The following CRYM variants were observed in gnomAD, a reference collection of about 807,000 sequenced individuals.
CRYM encodes the protein crystallin mu.
Under a neutral mutation model 32.9 loss-of-function variants are expected in CRYM, and 18 were observed. The observed-to-expected ratio is 0.55, with a 90% confidence interval of 0.38 to 0.81. The LOEUF (loss-of-function observed/expected upper bound fraction) is 0.81. Among genes scored for constraint, CRYM ranks in the 30% least tolerant of loss-of-function variants. The pLI is 0.00. For missense variants in CRYM, 337 were observed against 393.5 expected, an observed-to-expected ratio of 0.86 and a Z score of 1.21; for synonymous variants, 153 against 152.4, an observed-to-expected ratio of 1.00 and a Z score of -0.03.
chr16:21,275,996 T>C (rs2093385488), intron 2 of CRYM, among the ~76,000 whole-genome samples: 1 of 152,166 alleles, frequency 6.6e-6, no homozygotes, highest in African/African-American at 2.4e-5. Context: ...ACAACGGCCA[T>C]GAAACTCTTA....
chr16:21,269,856 G>A lies in CRYM; in HGVS notation c.423C>T (p.Ile141=). 6.2e-7 allele frequency: 1 copy of A among 1,608,598 alleles called. No individual in the cohort carries two copies. The highest frequency in any genetic ancestry group is 2.2e-5 in the East Asian group (1 of 44,562). ...TGTAGGCCTGGACCCCAGCCCCAAGGATGCACAGCACTTCACTGCTGGGAG... is the reference window on the plus strand; with the variant it reads ...TGTAGGCCTGGACCCCAGCCCCAAGAATGCACAGCACTTCACTGCTGGGAG... The part of the protein sequence containing the change: ...LKPPSSEVLC[I]LGAGVQAYSH... The change falls in exon 4 of 8, where the codon ATC becomes ATT. Residue 141 remains isoleucine (I), a synonymous_variant. Coordinates refer to ENST00000572914, the MANE Select transcript of CRYM (RefSeq NM_001376256.1).
intron 5 of CRYM, among the ~76,000 whole-genome samples, chr16:21,266,773 A>G (rs1419449979): frequency 1.3e-5 from 2 of 152,096 alleles, no homozygotes; most frequent in Admixed American, 1.3e-4. Context: ...GGGAGGCTGA[A>G]GTGGGTAGAG....
chr16:21,288,936 T>C (rs1960542678), intron 1 of CRYM, among the ~76,000 whole-genome samples: 1 of 152,154 alleles, frequency 6.6e-6, no homozygotes, highest in Non-Finnish European at 1.5e-5. Flanking sequence ...TTTTGTTCCA[T>C]TGCAGTCATA....
At chr16:21,298,307 C>T (rs1226290129) in intron 1 of CRYM, among the ~76,000 whole-genome samples, 2 of 152,196 alleles carry the variant, frequency 1.3e-5, no homozygotes, top group African/African-American at 4.8e-5. Context: ...ACCCGAGATA[C>T]TTGCATCCAC....
intron 5 of CRYM, among the ~76,000 whole-genome samples, chr16:21,265,930 C>T (rs1448961219): frequency 1.3e-5 from 2 of 152,140 alleles, no homozygotes; most frequent in African/African-American, 4.8e-5. Flanking sequence ...CCATCAAGAA[C>T]CTCTGATTTT....
At position 21,277,303 on chromosome 16, in the gene CRYM, G is replaced by T; in HGVS notation, c.324+128C>A. Reference sequence around the variant, plus strand: ...ACACAGATAACCTTCACTGTTGCTGGTATCCAGTCACTTGCAGAGGGGCAC... The same window carrying T: ...ACACAGATAACCTTCACTGTTGCTGTTATCCAGTCACTTGCAGAGGGGCAC... On this transcript the variant is annotated intron_variant, in intron 2 of 7. Coordinates refer to ENST00000572914, the MANE Select transcript of CRYM (RefSeq NM_001376256.1). The surrounding 1 kb of genome is among the most constrained non-coding windows in gnomAD (Gnocchi z 4.2). 1.1e-6 allele frequency: 1 copy of T among 945,984 alleles called. No individual in the cohort carries two copies. The highest frequency in any genetic ancestry group is 1.6e-6 in the Non-Finnish European group (1 of 615,340). The allele number at this position is 945,984 out of a possible 1,614,324, so 58.6% of individuals were successfully genotyped here. A position where few individuals can be genotyped will look rare whatever the true frequency, so the allele number is the denominator to read the frequency against.
At chr16:21,276,907 G>T (rs1348351407) in intron 2 of CRYM, among the ~76,000 whole-genome samples, 2 of 151,934 alleles carry the variant, frequency 1.3e-5, no homozygotes, top group African/African-American at 4.8e-5. Context: ...GTATTAAGAG[G>T]ATTAATAAAT....
At chr16:21,281,237 T>G (rs1373899309), upstream of CRYM, among the ~76,000 whole-genome samples, 10 of 151,372 alleles carry the variant, frequency 6.6e-5, no homozygotes, top group Admixed American at 6.6e-4. Context: ...TAGATATGTA[T>G]ATATGTGCAT....
chr16:21,276,771 T>G (rs2093387466), intron 2 of CRYM, among the ~76,000 whole-genome samples: 1 of 152,362 alleles, frequency 6.6e-6, no homozygotes, highest in East Asian at 1.9e-4. Context: ...TGAGCAGCTC[T>G]GAAGTCCAAC....
chr16:21,267,671 G>C lies in CRYM; in HGVS notation c.556C>G (p.Arg186Gly). The C allele has an allele frequency of 6.2e-7, 1 of 1,614,216 alleles. No individual in the cohort carries two copies. Among genetic ancestry groups the C allele is most frequent in the East Asian group, 2.2e-5 (1 of 44,890 alleles). Residue 186 changes from arginine (R) to glycine (G), a missense_variant, in exon 5 of 8, where the codon CGG (arginine) becomes GGG (glycine). Physicochemically the swap from Arg to Gly is moderately radical, Grantham distance 125. Transcript: ENST00000572914. ...GCCTCCTGGACCGAAGAACAGACCC[G>C]TACCTCTCCTTGCACTGTGTCTGCA... ...KFADTVQGEVRVCSSVQEAVA... is the reference protein window; with the variant it reads ...KFADTVQGEVGVCSSVQEAVA...
At chr16:21,280,020 A>G (rs1361016220), upstream of CRYM, among the ~76,000 whole-genome samples, 1 of 152,188 alleles carries the variant, frequency 6.6e-6, no homozygotes, top group Non-Finnish European at 1.5e-5. Flanking sequence ...GCTTATAGAA[A>G]TGTTTCTGGC....
At chr16:21,301,139 A>G (rs226059) in intron 1 of CRYM, 42,976 of 152,238 alleles carry the variant, frequency 0.28, 6,210 homozygotes, top group South Asian at 0.32. Flanking sequence ...TTGGGAAGTT[A>G]TCTGCTAAAC....
Position 21,258,771 on chromosome 16 carries a change from T to A in CRYM, c.*10A>T, listed in dbSNP as rs1354305806. ...CTCAAGCATCCATCTCAACATCAAGTTCCTTTGTTTTATTTACCAGATGAC... is the reference window on the plus strand; with the variant it reads ...CTCAAGCATCCATCTCAACATCAAGATCCTTTGTTTTATTTACCAGATGAC... On this transcript the variant is annotated 3_prime_UTR_variant, in exon 8 of 8. Transcript: ENST00000572914. 2 of 1,611,926 alleles carry A rather than the reference T, an allele frequency of 1.2e-6. No individual in the cohort carries two copies. The highest frequency in any genetic ancestry group is 1.3e-5 in the African/African-American group (1 of 74,900).
Position 21,267,600 on chromosome 16 carries a change from C to T in CRYM, c.627G>A (p.Glu209=). The T allele has an allele frequency of 6.2e-7, 1 of 1,614,162 alleles. No individual in the cohort carries two copies. Among genetic ancestry groups the T allele is most frequent in the Non-Finnish European group, 8.5e-7 (1 of 1,180,010 alleles). Residue 209 remains glutamate, a synonymous_variant, in exon 5 of 8, where the codon GAG becomes GAA. Coordinates refer to ENST00000572914, the MANE Select transcript of CRYM (RefSeq NM_001376256.1). ...DVIITVTLAT[E]PILFGEWVKP... is the part of the protein sequence containing the mutation. ...TCACCCATTCACCAAACAAAATGGG[C>T]TCTGTTGCCAGGGTGACTGTGATGA... is the stretch of plus-strand genomic sequence containing the variant.
chr16:21,281,177 T>A (rs1307421413), upstream of CRYM, among the ~76,000 whole-genome samples: 1 of 151,582 alleles, frequency 6.6e-6, no homozygotes, highest in Non-Finnish European at 1.5e-5. Flanking sequence ...TATACATATA[T>A]ACGTATCTAT....
chr16:21,275,942 A>T (rs1448470068), intron 2 of CRYM, among the ~76,000 whole-genome samples: 4 of 152,278 alleles, frequency 2.6e-5, no homozygotes, highest in African/African-American at 9.6e-5. Flanking sequence ...AAAACACCAA[A>T]TTAAGAAGGA....
chr16:21,296,519 AC>A (rs999345160), intron 1 of CRYM, among the ~76,000 whole-genome samples: 1 of 152,228 alleles, frequency 6.6e-6, no homozygotes, highest in African/African-American at 2.4e-5. Flanking sequence ...TGAAAGGGCA[AC>A]CAGTATACCT....
upstream of CRYM, among the ~76,000 whole-genome samples, chr16:21,282,509 G>C (rs1274017281): frequency 6.6e-6 from 1 of 151,874 alleles, no homozygotes. Flanking sequence ...AAATAAGAAA[G>C]CCAGATATTT....
At chr16:21,288,782 C>A (rs1469856850) in intron 1 of CRYM, among the ~76,000 whole-genome samples, 1 of 151,994 alleles carries the variant, frequency 6.6e-6, no homozygotes, top group Non-Finnish European at 1.5e-5. Flanking sequence ...TTTTGGTATA[C>A]CATATTTTTG....
Sources: gnomAD v4.1 joint callset for allele counts (sites outside exome capture counted in the v4.1 genomes callset) on GRCh38, gnomAD v4.1.1 for gene constraint, Gnocchi (gnomAD v3.1) non-coding constraint, MANE v1.5 for transcripts, NCBI Gene and HGNC (gene_info 2026-07-23, HGNC 2026-07-21) for gene names.